Variants in LNX1 observed in about 807,000 individuals in gnomAD.
LNX1 encodes the protein ligand of numb-protein X 1.
Under a neutral mutation model 68.4 loss-of-function variants are expected in LNX1, and 54 were observed. That is an observed-to-expected ratio of 0.79 (90% CI 0.63 to 0.99). The LOEUF is 0.99. Among genes scored for constraint, LNX1 ranks in the 50% least tolerant of loss-of-function variants. LNX1 has a pLI of 0.00. For missense variants in LNX1, 906 were observed against 926.4 expected (o/e 0.98, Z 0.29); for synonymous variants, 336 against 350.0 (o/e 0.96, Z 0.45).
In LNX1 at chr4:53,459,739, A is replaced by C. The variant is rs542884727; in HGVS notation, c.*1168T>G. On this transcript the variant is annotated 3_prime_UTR_variant, in exon 11 of 11. Coordinates refer to ENST00000263925, the MANE Select transcript of LNX1 (RefSeq NM_001126328.3). ...AGAGCTGTGTTAGCTGTGTACATAC[A>C]CAGATTATCTGAGAAAAGGTCAAGG... 8 of 377,232 alleles carry C rather than the reference A, an allele frequency of 2.1e-5. No homozygotes were observed. In the Admixed American group the frequency reaches 2.2e-4, roughly 10 times the overall value. 23.4% of individuals were successfully genotyped at this position (377,232 alleles called of 1,614,324 possible).
At chr4:53,610,715 G>GAAAAAAAA (rs10553873) in intron 2 of LNX1, among the ~76,000 whole-genome samples, 19 of 112,510 alleles carry the variant, frequency 1.7e-4, no homozygotes, top group South Asian at 6.4e-4. Context: ...TCTCAAAGAG[G>GAAAAAAAA]AAAAAAAAAA....
chr4:53,483,554 A>C (rs1324808099), intron 6 of LNX1, among the ~76,000 whole-genome samples: 1 of 152,242 alleles, frequency 6.6e-6, no homozygotes, highest in African/African-American at 2.4e-5. Flanking sequence ...TGAAGTAGCC[A>C]GCTGACCTCA....
At chr4:53,517,567 A>G (rs56380651) in intron 2 of LNX1, among the ~76,000 whole-genome samples, 12,603 of 152,240 alleles carry the variant, frequency 0.083, 519 homozygotes, top group Non-Finnish European at 0.096. Context: ...CCTGTAAAGA[A>G]CTTTCCGAGT....
At chr4:53,520,284 T>G (rs1438437261) in intron 2 of LNX1, among the ~76,000 whole-genome samples, 2 of 152,200 alleles carry the variant, frequency 1.3e-5, no homozygotes, top group Admixed American at 6.5e-5. Flanking sequence ...TAAGAAGACC[T>G]GAGCTGATAG....
chr4:53,571,864 T>C (rs757268575), intron 2 of LNX1, among the ~76,000 whole-genome samples: 5 of 152,024 alleles, frequency 3.3e-5, no homozygotes, highest in Admixed American at 6.5e-5. Flanking sequence ...TCTTGCTATG[T>C]TGTCCAGGCT....
intron 1 of LNX1, among the ~76,000 whole-genome samples, chr4:53,589,595 A>G (rs1162751538): frequency 6.6e-6 from 1 of 152,204 alleles, no homozygotes; most frequent in Non-Finnish European, 1.5e-5. Flanking sequence ...TCTCACAACC[A>G]CATTAGATCA....
chr4:53,584,893 C>T (rs568921485), intron 1 of LNX1, among the ~76,000 whole-genome samples: 68 of 152,290 alleles, frequency 4.5e-4, no homozygotes, highest in South Asian at 1.2e-3. Flanking sequence ...TTCAGTGTAA[C>T]GTATATCACA....
At chr4:53,507,207 T>C in intron 4 of LNX1, 110 bp downstream of exon 4, 1 of 1,173,578 alleles carries the variant, frequency 8.5e-7, no homozygotes. Context: ...TTGTATACCC[T>C]TGGGAAGAGA....
intron 1 of LNX1, chr4:53,575,414 TA>T: frequency 1.4e-6 from 1 of 730,680 alleles, no homozygotes; most frequent in Non-Finnish European, 1.7e-6. Flanking sequence ...AGAAAGTCAA[TA>T]AATAGTTTTC....
chr4:53,495,034 G>A (rs1300761395), intron 6 of LNX1, among the ~76,000 whole-genome samples: 1 of 152,108 alleles, frequency 6.6e-6, no homozygotes, highest in Non-Finnish European at 1.5e-5. Context: ...GCAATAGAAG[G>A]CAACTTTTAT....
At chr4:53,548,370 T>C (rs1245542436) in intron 2 of LNX1, among the ~76,000 whole-genome samples, 1 of 152,204 alleles carries the variant, frequency 6.6e-6, no homozygotes, top group East Asian at 1.9e-4. Context: ...TTTAACAATG[T>C]TTTTGTGCCT....
At chr4:53,481,014 G>A (rs2109417291) in intron 7 of LNX1, among the ~76,000 whole-genome samples, 1 of 152,266 alleles carries the variant, frequency 6.6e-6, no homozygotes, top group South Asian at 2.1e-4. Context: ...ACTAAACAAG[G>A]TTTGTGTTGC....
chr4:53,511,684 G>C (rs1292874878), intron 2 of LNX1, among the ~76,000 whole-genome samples: 1 of 152,122 alleles, frequency 6.6e-6, no homozygotes, highest in Non-Finnish European at 1.5e-5. Flanking sequence ...GGGGTTGGAG[G>C]GGGGATAAGG....
At chr4:53,523,443 C>A (rs147962492) in intron 2 of LNX1, among the ~76,000 whole-genome samples, 1 of 152,112 alleles carries the variant, frequency 6.6e-6, no homozygotes, top group Non-Finnish European at 1.5e-5. Flanking sequence ...TGCACCACCA[C>A]GCCTGGCTTA....
At chr4:53,586,608 C>T (rs2109810475) in intron 1 of LNX1, among the ~76,000 whole-genome samples, 1 of 152,276 alleles carries the variant, frequency 6.6e-6, no homozygotes, top group East Asian at 1.9e-4. Flanking sequence ...AGAACTTGCT[C>T]CCACTGTTAG....
chr4:53,562,976 C>T (rs1431576130), intron 2 of LNX1, among the ~76,000 whole-genome samples: 4 of 152,052 alleles, frequency 2.6e-5, no homozygotes, highest in African/African-American at 9.7e-5. Context: ...TTTGGGAGGC[C>T]GAGACGGATC....
rs1560650687 is a variant in LNX1, at chr4:53,534,343, G to A, written c.381-26116C>T. ...TGAATGTCATAAATTGATATAAGGA[G>A]AGCAGGAATTAGTGGTGGGGTGCAG... is the stretch of plus-strand genomic sequence containing the variant. On this transcript the variant is annotated intron_variant, in intron 2 of 10. Coordinates refer to ENST00000263925, the MANE Select transcript of LNX1 (RefSeq NM_001126328.3). 3.9e-5 allele frequency among the ~76,000 whole-genome samples: 6 copies of A among 152,258 alleles called. No individual in the cohort carries two copies. In the South Asian group the frequency reaches 1.2e-3, roughly 32 times the overall value.
Position 53,495,915 on chromosome 4 carries a change from C to T in LNX1, c.1350+108G>A, listed in dbSNP as rs1725017670. On this transcript the variant is annotated intron_variant, in intron 6 of 10. Transcript: ENST00000263925. ...CCATCCTGACTCCTTGAAAGGGAGG[C>T]ACTGCATGACACATGTGGTAGTGAC... 7.0e-6 allele frequency: 9 copies of T among 1,277,768 alleles called. No homozygotes were observed. The South Asian group carries it at 1.1e-4, about 16-fold the overall frequency. 79.2% of individuals were successfully genotyped at this position (1,277,768 alleles called of 1,614,324 possible). A position where few individuals can be genotyped will look rare whatever the true frequency, so the allele number is the denominator to read the frequency against.
chr4:53,549,840 C>T (rs1364106392), intron 2 of LNX1, among the ~76,000 whole-genome samples: 1 of 152,156 alleles, frequency 6.6e-6, no homozygotes, highest in Non-Finnish European at 1.5e-5. Context: ...CAACATGAAG[C>T]GGTCAGTGAG....
Sources: gnomAD v4.1 joint callset for allele counts (sites outside exome capture counted in the v4.1 genomes callset) on GRCh38, gnomAD v4.1.1 for gene constraint, MANE v1.5 for transcripts, NCBI Gene and HGNC (gene_info 2026-07-23, HGNC 2026-07-21) for gene names.